The following SYT3 variants were observed in gnomAD, a reference collection of about 807,000 sequenced individuals.
SYT3 encodes the protein synaptotagmin-3.
A neutral mutation model predicts 50.6 loss-of-function variants in SYT3; 25 were observed. The observed-to-expected ratio is 0.49, with a 90% CI of 0.36 to 0.69. The LOEUF (loss-of-function observed/expected upper bound fraction) is 0.69. Among genes scored for constraint, SYT3 ranks in the 30% least tolerant of loss-of-function variants. SYT3 has a pLI of 0.00. For synonymous variants in SYT3, 323 were observed against 353.9 expected (o/e 0.91, Z 0.98); for missense variants, 589 against 793.6 (o/e 0.74, Z 3.10).
At position 50,625,700 on chromosome 19, in the gene SYT3, C is replaced by A; in HGVS notation, c.1403-136G>T. ...GGCCCCCAGTCCCTCCTTCCTCAGG[C>A]CCAAGAGTCCAGACCCCAGGTCCTC... On this transcript the variant is annotated intron_variant, in intron 7 of 10. Coordinates refer to ENST00000600079, the MANE Select transcript of SYT3 (RefSeq NM_001160329.2). This position sits in a 1 kb window ranked among gnomAD's most constrained non-coding sequence, Gnocchi z 7.5. 1 of 1,404,482 alleles carries A rather than the reference C, an allele frequency of 7.1e-7. No individual in the cohort carries two copies. Among genetic ancestry groups the A allele is most frequent in the South Asian group, 1.4e-5 (1 of 70,834 alleles). 87.0% of individuals were successfully genotyped at this position (1,404,482 alleles called of 1,614,324 possible).
chr19:50,657,980 C>A, the SYT3 span: 1 of 1,519,966 alleles, frequency 6.6e-7, no homozygotes. Flanking sequence ...CTCTCTCCGA[C>A]ACCCGCAGCC....
At chr19:50,643,364 C>T (rs1984709453), upstream of SYT3, among the ~76,000 whole-genome samples, 1 of 151,586 alleles carries the variant, frequency 6.6e-6, no homozygotes, top group African/African-American at 2.4e-5. Context: ...TCTTGCATCC[C>T]CCCGGATGGA....
At chr19:50,649,529 TG>T in the SYT3 span, 1 of 1,535,916 alleles carries the variant, frequency 6.5e-7, no homozygotes, top group Non-Finnish European at 8.7e-7. Context: ...GCTGTGTCTT[TG>T]GGGGAAGGGG....
chr19:50,634,773 G>A (rs972522264), intron 3 of SYT3, among the ~76,000 whole-genome samples: 10 of 151,964 alleles, frequency 6.6e-5, no homozygotes, highest in Admixed American at 2.0e-4. Flanking sequence ...TGGAATAGAC[G>A]GAGTTTTGTT....
rs756296350 is a variant in SYT3, at chr19:50,625,963, C to T, written c.1336G>A (p.Gly446Arg). Residue 446 changes from glycine to arginine, a missense_variant, in exon 7 of 11, where the codon GGG (glycine) becomes AGG (arginine). Physicochemically the swap from Gly to Arg is moderately radical, Grantham distance 125. Coordinates refer to ENST00000600079, the MANE Select transcript of SYT3 (RefSeq NM_001160329.2). This position sits in a 1 kb window ranked among gnomAD's most constrained non-coding sequence, Gnocchi z 7.5. Reference protein sequence around the residue: ...NFSLCYLPTAGRLTVTIIKAS... With the variant: ...NFSLCYLPTARRLTVTIIKAS... ...TTGATGATGGTCACGGTGAGGCGCC[C>T]GGCCGTGGGGAGGTAGCAGAGTGAG... 11 of 1,614,076 alleles carry T rather than the reference C, an allele frequency of 6.8e-6. No homozygotes were observed. The highest frequency in any genetic ancestry group is 1.3e-5 in the African/African-American group (1 of 75,034).
the SYT3 span, among the ~76,000 whole-genome samples, chr19:50,650,893 T>G: frequency 6.6e-6 from 1 of 152,236 alleles, no homozygotes; most frequent in Non-Finnish European, 1.5e-5. Flanking sequence ...TAGCCTAGAC[T>G]GAGGCACCCA....
intron 6 of SYT3, 130 bp from the exon 7 acceptor site, chr19:50,626,147 A>G: frequency 1.4e-6 from 2 of 1,404,054 alleles, no homozygotes; most frequent in Non-Finnish European, 1.9e-6. Flanking sequence ...TCCACTTAGC[A>G]ATCTGACTCT....
upstream of SYT3, among the ~76,000 whole-genome samples, chr19:50,643,662 G>A (rs1191138949): frequency 6.6e-6 from 1 of 152,022 alleles, no homozygotes; most frequent in African/African-American, 2.4e-5. Flanking sequence ...CTCGATTCAT[G>A]CAGTCATTTG....
In SYT3 at chr19:50,630,111, G is replaced by T. The variant is rs1425729136; in HGVS notation, c.735C>A (p.Ser245Arg). ...GCAGGGCAGGTGGCCGCTCCTCACT[G>T]CTGGGGTCCGGCTGGGAGGTCAGAG... ...QQTLTSQPDP[S>R]SEERPPALPL... The change falls in exon 5 of 11, where the codon AGC becomes AGA. Residue 245 changes from serine to arginine, a missense_variant. Transcript: ENST00000600079. The T allele has an allele frequency of 1.2e-6, 2 of 1,606,268 alleles. No homozygotes were observed. The highest frequency in any genetic ancestry group is 1.3e-5 in the African/African-American group (1 of 74,750).
At chr19:50,626,563 G>T (rs549715914) in intron 6 of SYT3, among the ~76,000 whole-genome samples, 127 of 135,092 alleles carry the variant, frequency 9.4e-4, no homozygotes, top group Non-Finnish European at 4.7e-4. Flanking sequence ...GAGGACAGAA[G>T]CCCAGAGAGA....
At chr19:50,653,353 T>C in the SYT3 span, among the ~76,000 whole-genome samples, 3 of 152,104 alleles carry the variant, frequency 2.0e-5, no homozygotes, top group African/African-American at 7.2e-5. Context: ...TGGAAAGTAT[T>C]TTTTAAAGTG....
chr19:50,643,385 C>G (rs1377888101), upstream of SYT3, among the ~76,000 whole-genome samples: 1 of 151,400 alleles, frequency 6.6e-6, no homozygotes, highest in African/African-American at 2.4e-5. Flanking sequence ...TGTGCGTTTA[C>G]ATCCAGGCTG....
intron 6 of SYT3, among the ~76,000 whole-genome samples, chr19:50,628,143 T>C (rs1299928060): frequency 6.6e-6 from 1 of 152,226 alleles, no homozygotes; most frequent in Non-Finnish European, 1.5e-5. Flanking sequence ...CCTCTCCTGA[T>C]ATGAAGGCCG....
the SYT3 span, among the ~76,000 whole-genome samples, chr19:50,650,929 C>T: frequency 1.2e-3 from 187 of 152,310 alleles, no homozygotes; most frequent in Non-Finnish European, 1.0e-3. Flanking sequence ...ATATGTAGCT[C>T]CAGAAAAGTC....
In SYT3 at chr19:50,639,415, G is replaced by C. The variant is rs1003665447; in HGVS notation, c.-153-253C>G. The C allele has an allele frequency of 3.2e-5, 4 of 123,798 alleles. No homozygotes were observed. The highest frequency in any genetic ancestry group is 1.0e-4 in the African/African-American group (3 of 29,190). The allele number at this position is 123,798 out of a possible 1,614,324, so 7.7% of individuals were successfully genotyped here. A position where few individuals can be genotyped will look rare whatever the true frequency, so the allele number is the denominator to read the frequency against. ...TGCCTCCGGGCTGCAGAGAGGATGGGATTTTTTTTTTTTTTTTAAGGTTTT... is the reference window on the plus strand; with the variant it reads ...TGCCTCCGGGCTGCAGAGAGGATGGCATTTTTTTTTTTTTTTTAAGGTTTT... On this transcript the variant is annotated intron_variant, in intron 1 of 10. Coordinates refer to ENST00000600079, the MANE Select transcript of SYT3 (RefSeq NM_001160329.2). This position sits in a 1 kb window ranked among gnomAD's most constrained non-coding sequence, Gnocchi z 4.6.
At chr19:50,640,751 T>C (rs1984650018), upstream of SYT3, among the ~76,000 whole-genome samples, 1 of 152,164 alleles carries the variant, frequency 6.6e-6, no homozygotes, top group Admixed American at 6.5e-5. Flanking sequence ...AAAAATCTCA[T>C]AATGTTTTAA....
chr19:50,656,283 G>C, the SYT3 span: 2 of 1,536,148 alleles, frequency 1.3e-6, no homozygotes, highest in South Asian at 1.2e-5. Flanking sequence ...GAGAACTCCC[G>C]TGCATCCGGA....
rs1447006055 is a variant in SYT3, at chr19:50,639,052, TGGCAGCCGAGGCGGCGGCGGGC to T, written c.-65_-44del. 1 of 153,364 alleles carries T rather than the reference TGGCAGCCGAGGCGGCGGCGGGC, an allele frequency of 6.5e-6. No individual in the cohort carries two copies. Among genetic ancestry groups the T allele is most frequent in the Non-Finnish European group, 1.4e-5 (1 of 69,040 alleles). The allele number at this position is 153,364 out of a possible 1,614,324, so 9.5% of individuals were successfully genotyped here. A position where few individuals can be genotyped will look rare whatever the true frequency, so the allele number is the denominator to read the frequency against. Reference sequence around the variant, plus strand: ...GCGCTTATCTCTGCCGTGTCCTGGGTGGCAGCCGAGGCGGCGGCGGGCGGCAGCCCATGGGGGTTCTAGGGCG... The same window carrying T: ...GCGCTTATCTCTGCCGTGTCCTGGGTGGCAGCCCATGGGGGTTCTAGGGCG... On this transcript the variant is annotated 5_prime_UTR_variant, in exon 2 of 11. An upstream open reading frame in the 5' UTR loses its in-frame stop. Transcript: ENST00000600079. The surrounding 1 kb of genome is among the most constrained non-coding windows in gnomAD (Gnocchi z 4.6).
At chr19:50,649,485 G>A in the SYT3 span, 1 of 1,536,248 alleles carries the variant, frequency 6.5e-7, no homozygotes, top group Non-Finnish European at 8.7e-7. Flanking sequence ...CCTGCCATGG[G>A]CAGCCCCACC....
Sources: gnomAD v4.1 joint callset for allele counts (sites outside exome capture counted in the v4.1 genomes callset) on GRCh38, gnomAD v4.1.1 for gene constraint, Gnocchi (gnomAD v3.1) non-coding constraint, MANE v1.5 for transcripts, NCBI Gene and HGNC (gene_info 2026-07-23, HGNC 2026-07-21) for gene names.